Variants in RBM6 observed in about 807,000 individuals in gnomAD.
RBM6 encodes RNA binding motif protein 6, also known as RNA-binding protein 6.
RBM6 carries 23 observed loss-of-function variants against 140.4 expected under a neutral mutation model. That is an observed-to-expected ratio of 0.16 (90% CI 0.12 to 0.23). The LOEUF (loss-of-function observed/expected upper bound fraction) is 0.23, where lower values mean the gene tolerates loss of function less well. Among genes scored for constraint, RBM6 ranks in the 10% least tolerant of loss-of-function variants. RBM6 has a pLI of 1.00. For missense variants in RBM6, 1,139 were observed against 1,386.7 expected (o/e 0.82, Z 2.84); for synonymous variants, 439 against 475.6 (o/e 0.92, Z 1.00).
intron 7 of RBM6, among the ~76,000 whole-genome samples, chr3:50,052,174 C>T (rs2089495874): frequency 6.6e-6 from 1 of 152,224 alleles, no homozygotes; most frequent in African/African-American, 2.4e-5. Context: ...AAGTGATTCT[C>T]GTGCCTCAGC....
intron 7 of RBM6, among the ~76,000 whole-genome samples, chr3:50,049,372 A>G (rs1282763938): frequency 6.6e-6 from 1 of 152,124 alleles, no homozygotes; most frequent in Non-Finnish European, 1.5e-5. Context: ...GGCCTCCCAA[A>G]GTATTGAGAT....
chr3:49,965,366 T>C (rs2084458366), intron 2 of RBM6, among the ~76,000 whole-genome samples: 1 of 152,234 alleles, frequency 6.6e-6, no homozygotes, highest in African/African-American at 2.4e-5. Context: ...TGTTAAATTG[T>C]ATTGCCTAAG....
intron 6 of RBM6, among the ~76,000 whole-genome samples, chr3:50,040,474 A>G (rs899430045): frequency 6.6e-5 from 2 of 30,426 alleles, no homozygotes; most frequent in African/African-American, 2.5e-4. Flanking sequence ...AAAAAAAAAT[A>G]TATATATATA....
At chr3:49,940,278 C>T (rs1180016561) in intron 1 of RBM6, 53 bp downstream of exon 1, 2 of 152,378 alleles carry the variant, frequency 1.3e-5, no homozygotes, top group Non-Finnish European at 2.9e-5. Flanking sequence ...AGGGAATAGC[C>T]AGCAGACAGG....
intron 6 of RBM6, among the ~76,000 whole-genome samples, chr3:50,042,470 C>T (rs766769799): frequency 3.9e-5 from 6 of 152,292 alleles, no homozygotes; most frequent in Admixed American, 2.0e-4. Flanking sequence ...CCATAACTCA[C>T]GCCTGTAATC....
At chr3:50,021,001 CT>C (rs1474995319) in intron 6 of RBM6, among the ~76,000 whole-genome samples, 1 of 152,116 alleles carries the variant, frequency 6.6e-6, no homozygotes, top group Non-Finnish European at 1.5e-5. Flanking sequence ...TCTCCATATA[CT>C]TTGGGATTTT....
At chr3:50,064,409 A>G (rs1047313823) in intron 15 of RBM6, among the ~76,000 whole-genome samples, 3 of 152,228 alleles carry the variant, frequency 2.0e-5, no homozygotes, top group African/African-American at 7.2e-5. Context: ...TAAAGCTTAC[A>G]TAGGAGGATC....
intron 7 of RBM6, among the ~76,000 whole-genome samples, chr3:50,049,933 T>C (rs1330527565): frequency 4.0e-5 from 6 of 151,580 alleles, no homozygotes; most frequent in Non-Finnish European, 7.4e-5. Flanking sequence ...AGTCATCCTC[T>C]CACCTCAACC....
At chr3:50,032,407 C>CT (rs2088223993) in intron 6 of RBM6, among the ~76,000 whole-genome samples, 1 of 150,668 alleles carries the variant, frequency 6.6e-6, no homozygotes, top group East Asian at 2.0e-4. Flanking sequence ...TTGGTTGAAC[C>CT]CAGGAGGTGG....
At chr3:50,073,426 C>A (rs938697157) in intron 19 of RBM6, among the ~76,000 whole-genome samples, 17 of 152,270 alleles carry the variant, frequency 1.1e-4, no homozygotes, top group African/African-American at 3.8e-4. Flanking sequence ...CCAGACTAAT[C>A]ATTTTATCAG....
At chr3:50,014,294 A>G (rs916103654) in intron 6 of RBM6, among the ~76,000 whole-genome samples, 4 of 152,226 alleles carry the variant, frequency 2.6e-5, no homozygotes, top group Admixed American at 6.5e-5. Flanking sequence ...GGAGCTGTAG[A>G]ATAAGACCTA....
At chr3:49,990,239 G>T (rs953955321) in intron 5 of RBM6, among the ~76,000 whole-genome samples, 2 of 152,052 alleles carry the variant, frequency 1.3e-5, no homozygotes, top group Non-Finnish European at 2.9e-5. Context: ...AGATGTTATA[G>T]CCTACTATAC....
chr3:50,031,845 GATTGGTTGTAACTCAAAAGAT>G (rs2088186647), intron 6 of RBM6, among the ~76,000 whole-genome samples: 1 of 152,058 alleles, frequency 6.6e-6, no homozygotes, highest in Admixed American at 6.6e-5. Context: ...AGTATAATTT[GATTGGTTGTAACTCAAAAGAT>G]AAATGCATGA....
At chr3:50,002,237 G>A (rs574512973) in intron 6 of RBM6, among the ~76,000 whole-genome samples, 5 of 151,228 alleles carry the variant, frequency 3.3e-5, no homozygotes, top group Non-Finnish European at 5.9e-5. Flanking sequence ...ACAGATATGC[G>A]CCACCATGCT....
At chr3:49,953,775 C>A (rs1484004642) in intron 1 of RBM6, among the ~76,000 whole-genome samples, 2 of 152,040 alleles carry the variant, frequency 1.3e-5, no homozygotes, top group Non-Finnish European at 2.9e-5. Context: ...CCGCATCAGC[C>A]TCCCAAAGTG....
intron 1 of RBM6, among the ~76,000 whole-genome samples, chr3:49,943,087 C>T (rs2083354890): frequency 6.6e-6 from 1 of 152,012 alleles, no homozygotes; most frequent in Non-Finnish European, 1.5e-5. Context: ...AATTTCATTC[C>T]TTTTTAAGGC....
chr3:50,013,294 C>T (rs563619410), intron 6 of RBM6, among the ~76,000 whole-genome samples: 35 of 151,986 alleles, frequency 2.3e-4, no homozygotes, highest in Non-Finnish European at 4.0e-4. Flanking sequence ...TTGTCAGGTG[C>T]TGGGGTTGGA....
intron 1 of RBM6, among the ~76,000 whole-genome samples, chr3:49,953,176 C>T (rs1034313549): frequency 6.6e-6 from 1 of 151,590 alleles, no homozygotes; most frequent in Non-Finnish European, 1.5e-5. Context: ...CCACTTTAGC[C>T]TCCTAGGTAA....
intron 6 of RBM6, among the ~76,000 whole-genome samples, chr3:50,041,026 C>CCCA (rs2088889166): frequency 6.6e-6 from 1 of 152,104 alleles, no homozygotes; most frequent in South Asian, 2.1e-4. Context: ...AACAGTCAGC[C>CCCA]GTTTTGCTTC....
Sources: gnomAD v4.1 joint callset for allele counts (sites outside exome capture counted in the v4.1 genomes callset) on GRCh38, gnomAD v4.1.1 for gene constraint, MANE v1.5 for transcripts, NCBI Gene and HGNC (gene_info 2026-07-23, HGNC 2026-07-21) for gene names.